MCC: variants seen among roughly 807,000 people sequenced by gnomAD.
MCC encodes the protein MCC regulator of Wnt signaling pathway.
A neutral mutation model predicts 116.2 loss-of-function variants in MCC; 90 were observed. That is an observed-to-expected ratio of 0.77 (90% CI 0.65 to 0.92). The LOEUF (loss-of-function observed/expected upper bound fraction) is 0.92. Ranked by LOEUF, MCC falls within the 40% of genes least tolerant of loss-of-function variation. The probability of loss-of-function intolerance (pLI) is 0.00; values close to 1 mark genes in which losing one functional copy is unlikely to be tolerated. For missense variants in MCC, 1,516 were observed against 1,312.2 expected, an observed-to-expected ratio of 1.16 and a Z score of -2.40; for synonymous variants, 578 against 510.5, an observed-to-expected ratio of 1.13 and a Z score of -1.78.
chr5:113,097,976 G>A (rs546103654), intron 8 of MCC, among the ~76,000 whole-genome samples: 74 of 152,330 alleles, frequency 4.9e-4, no homozygotes, highest in African/African-American at 1.8e-3. Context: ...CCCAGGTAGA[G>A]CACAGTGTGT....
chr5:113,030,788 G>C (rs1159370783), intron 17 of MCC, among the ~76,000 whole-genome samples: 2 of 152,208 alleles, frequency 1.3e-5, no homozygotes. Context: ...GAAAAGCTGA[G>C]TGTGAATATC....
intron 6 of MCC, among the ~76,000 whole-genome samples, chr5:113,109,257 AG>A (rs1561358826): frequency 6.6e-6 from 1 of 152,240 alleles, no homozygotes; most frequent in African/African-American, 2.4e-5. Context: ...AAAAGGTGGA[AG>A]TAGCCCAGGG....
chr5:113,124,560 C>T (rs552624228), intron 5 of MCC, among the ~76,000 whole-genome samples: 12 of 152,132 alleles, frequency 7.9e-5, no homozygotes, highest in African/African-American at 2.2e-4. Context: ...TTGGCAGATT[C>T]GAAAACATAT....
chr5:113,192,541 C>A (rs982223637), intron 3 of MCC, among the ~76,000 whole-genome samples: 1 of 152,208 alleles, frequency 6.6e-6, no homozygotes, highest in Non-Finnish European at 1.5e-5. Flanking sequence ...GACACACATG[C>A]ATGGGCTTTG....
intron 14 of MCC, among the ~76,000 whole-genome samples, chr5:113,063,496 A>G (rs529675157): frequency 6.6e-6 from 1 of 152,260 alleles, no homozygotes; most frequent in East Asian, 1.9e-4. Context: ...AAGAGATGAG[A>G]GGAGAGGCTC....
At chr5:113,125,840 A>T (rs1042453651) in intron 5 of MCC, among the ~76,000 whole-genome samples, 2 of 152,226 alleles carry the variant, frequency 1.3e-5, no homozygotes, top group Non-Finnish European at 2.9e-5. Flanking sequence ...TTGTATATAC[A>T]GGCATTCTTC....
intron 12 of MCC, among the ~76,000 whole-genome samples, chr5:113,068,805 C>G (rs1753811577): frequency 6.6e-6 from 1 of 152,226 alleles, no homozygotes; most frequent in African/African-American, 2.4e-5. Context: ...AGCAGATCCT[C>G]CAATCCCCCA....
chr5:113,273,921 C>T (rs1475436662), intron 3 of MCC, among the ~76,000 whole-genome samples: 2 of 152,282 alleles, frequency 1.3e-5, no homozygotes, highest in East Asian at 1.9e-4. Context: ...CACTATGTTA[C>T]ACCCCTAATT....
intron 5 of MCC, among the ~76,000 whole-genome samples, chr5:113,139,334 G>A (rs1175917792): frequency 6.6e-6 from 1 of 152,100 alleles, no homozygotes; most frequent in Non-Finnish European, 1.5e-5. Flanking sequence ...ATTCAAACTG[G>A]TGAATACTAG....
At chr5:113,232,803 T>TA (rs1763983817) in intron 3 of MCC, among the ~76,000 whole-genome samples, 1 of 152,150 alleles carries the variant, frequency 6.6e-6, no homozygotes. Context: ...CAGAGTGCTT[T>TA]AAGGAGGCTT....
At chr5:113,045,963 C>T (rs1024971228) in intron 16 of MCC, among the ~76,000 whole-genome samples, 7 of 152,172 alleles carry the variant, frequency 4.6e-5, no homozygotes, top group African/African-American at 1.7e-4. Context: ...CTGTGTGACC[C>T]TTCACAGAAA....
chr5:113,419,772 CA>C (rs1362016727), intron 1 of MCC, among the ~76,000 whole-genome samples: 6 of 145,218 alleles, frequency 4.1e-5, no homozygotes, highest in African/African-American at 1.5e-4. Flanking sequence ...ATCTCAGGGA[CA>C]AAAAACCAAA....
intron 14 of MCC, among the ~76,000 whole-genome samples, chr5:113,056,393 T>C (rs1752834542): frequency 6.6e-6 from 1 of 152,070 alleles, no homozygotes; most frequent in African/African-American, 2.4e-5. Flanking sequence ...TATGTAGCCA[T>C]AAAAAAAGAA....
intron 1 of MCC, among the ~76,000 whole-genome samples, chr5:113,478,395 G>C (rs945958639): frequency 1.3e-5 from 2 of 152,180 alleles, no homozygotes; most frequent in Non-Finnish European, 2.9e-5. Context: ...TTGGATATTA[G>C]GTATATTTTA....
At chr5:113,307,924 G>A (rs549171205) in intron 3 of MCC, among the ~76,000 whole-genome samples, 2 of 151,324 alleles carry the variant, frequency 1.3e-5, no homozygotes, top group East Asian at 3.9e-4. Context: ...GTATCTTCCT[G>A]TTGCTCTTTC....
chr5:113,246,029 T>C (rs1764561396), intron 3 of MCC, among the ~76,000 whole-genome samples: 2 of 152,104 alleles, frequency 1.3e-5, no homozygotes, highest in Non-Finnish European at 1.5e-5. Flanking sequence ...CAAAAATATT[T>C]CCCGAGGGGA....
At chr5:113,275,314 T>A (rs1765781941) in intron 3 of MCC, among the ~76,000 whole-genome samples, 1 of 152,160 alleles carries the variant, frequency 6.6e-6, no homozygotes, top group Non-Finnish European at 1.5e-5. Context: ...TCAGATACAG[T>A]TTAAACAAAA....
chr5:113,197,662 A>T (rs745794517), intron 3 of MCC, among the ~76,000 whole-genome samples: 3 of 152,198 alleles, frequency 2.0e-5, no homozygotes, highest in Admixed American at 6.5e-5. Flanking sequence ...AAAACTTACT[A>T]TGTAGGGGGC....
chr5:113,183,566 C>T (rs1015301194), intron 3 of MCC, among the ~76,000 whole-genome samples: 50 of 152,062 alleles, frequency 3.3e-4, no homozygotes, highest in African/African-American at 1.1e-3. Flanking sequence ...TGGAAGGGGA[C>T]ATTCATTGGC....
Sources: allele counts gnomAD v4.1 joint callset (sites outside exome capture counted in the v4.1 genomes callset), GRCh38; gene constraint gnomAD v4.1.1; transcripts MANE v1.5; gene names NCBI Gene and HGNC (gene_info 2026-07-23, HGNC 2026-07-21).